Variants in TSNARE1 observed in about 807,000 individuals in gnomAD.
The protein encoded by TSNARE1 is t-SNARE domain containing 1.
TSNARE1 carries 49 observed loss-of-function variants against 62.0 expected under a neutral mutation model. The observed-to-expected ratio is 0.79, with a 90% confidence interval of 0.63 to 1.00. TSNARE1 has a LOEUF of 1.00. Among genes scored for constraint, TSNARE1 ranks in the 50% least tolerant of loss-of-function variants. TSNARE1 has a pLI of 0.00. For missense variants in TSNARE1, 755 were observed against 700.1 expected, an observed-to-expected ratio of 1.08 and a Z score of -0.88; for synonymous variants, 328 against 294.4, an observed-to-expected ratio of 1.11 and a Z score of -1.17.
intron 12 of TSNARE1, among the ~76,000 whole-genome samples, chr8:142,236,883 G>A (rs1395888871): frequency 6.6e-6 from 1 of 152,218 alleles, no homozygotes; most frequent in Admixed American, 6.5e-5. Flanking sequence ...ACAGGAAGCA[G>A]GCGCAGAGGA....
rs748402169 is a variant in TSNARE1 at position 142,300,658 on chromosome 8, A to G, written c.1132-14T>C. Reference sequence around the variant, plus strand: ...GGCCTGGGGACTCTGCTGATGACAGACAGATCTTGTTAGCACTGACCCCTC... The same window carrying G: ...GGCCTGGGGACTCTGCTGATGACAGGCAGATCTTGTTAGCACTGACCCCTC... On this transcript the variant is annotated splice_polypyrimidine_tract_variant and intron_variant, in intron 9 of 13. Coordinates refer to ENST00000524325, the MANE Select transcript of TSNARE1 (RefSeq NM_145003.5). 2.5e-6 allele frequency: 4 copies of G among 1,609,826 alleles called. No individual in the cohort carries two copies. Among genetic ancestry groups the G allele is most frequent in the Non-Finnish European group, 3.4e-6 (4 of 1,177,736 alleles).
At chr8:142,303,852 C>T (rs1826194684) in intron 9 of TSNARE1, among the ~76,000 whole-genome samples, 1 of 152,192 alleles carries the variant, frequency 6.6e-6, no homozygotes, top group African/African-American at 2.4e-5. Flanking sequence ...AGGCTGGAGA[C>T]AACAGGACCA....
chr8:142,347,669 T>C (rs1833552231), intron 2 of TSNARE1, among the ~76,000 whole-genome samples: 1 of 149,938 alleles, frequency 6.7e-6, no homozygotes, highest in Non-Finnish European at 1.5e-5. Context: ...CTGCATCCGC[T>C]CACCCAAGTC....
rs1817003639 is a variant in TSNARE1 at position 142,229,533 on chromosome 8, G to A, written c.1493C>T (p.Thr498Ile). The change falls in exon 13 of 14, where the codon ACT (threonine) becomes ATT (isoleucine). Residue 498 changes from threonine (T) to isoleucine (I), a missense_variant. By Grantham distance (89) the Thr-to-Ile change is moderately conservative. Transcript: ENST00000524325. ...GATGATGATGATGACAAGCAGGGCA[G>A]TGACTCCAGCTGATAGGAAGCAGCA... ...IKCCFLSAGV[T>I]ALLVIIIIIA... is the part of the protein sequence containing the mutation. 5 of 1,614,158 alleles carry A rather than the reference G, an allele frequency of 3.1e-6. No individual in the cohort carries two copies. Among genetic ancestry groups the A allele is most frequent in the Non-Finnish European group, 4.2e-6 (5 of 1,180,024 alleles).
In TSNARE1 at chr8:142,274,818, G is replaced by T; in HGVS notation, c.1409C>A (p.Ala470Glu). ...SLEAASSHAE[A>E]ARQLLAGASR... ...GGCTCCAGCCAGGAGCTGGCGGGCT[G>T]CCTCCGCATGCGAGGACGCAGCCTC... The change falls in exon 12 of 14, where the codon GCA (alanine) becomes GAA (glutamate). Residue 470 changes from alanine to glutamate, a missense_variant. Physicochemically the swap from Ala to Glu is moderately radical, Grantham distance 107. Transcript: ENST00000524325. The T allele has an allele frequency of 6.3e-7, 1 of 1,580,190 alleles. No individual in the cohort carries two copies. The highest frequency in any genetic ancestry group is 2.4e-5 in the East Asian group (1 of 41,934).
intron 11 of TSNARE1, among the ~76,000 whole-genome samples, chr8:142,283,674 T>G (rs370154511): frequency 1.2e-5 from 1 of 83,386 alleles, no homozygotes; most frequent in African/African-American, 5.4e-5. Context: ...TGAGCGGAGG[T>G]GGGACCAGTG....
At chr8:142,318,983 C>T (rs999299925) in intron 6 of TSNARE1, among the ~76,000 whole-genome samples, 1 of 151,336 alleles carries the variant, frequency 6.6e-6, no homozygotes, top group African/African-American at 2.4e-5. Flanking sequence ...GGGAGACGGG[C>T]AGACACCCAG....
chr8:142,313,469 GTC>G (rs1827977237), intron 9 of TSNARE1, among the ~76,000 whole-genome samples: 1 of 151,028 alleles, frequency 6.6e-6, no homozygotes, highest in Non-Finnish European at 1.5e-5. Context: ...GTGTCTGCAT[GTC>G]TGTGTTTATC....
chr8:142,276,694 G>A (rs1820558204), intron 11 of TSNARE1: 3 of 985,408 alleles, frequency 3.0e-6, no homozygotes, highest in Non-Finnish European at 3.6e-6. Flanking sequence ...GCCCAATCCT[G>A]CTCTACACCT....
chr8:142,222,694 AC>A (rs1816422637), intron 13 of TSNARE1, among the ~76,000 whole-genome samples: 4 of 116,310 alleles, frequency 3.4e-5, no homozygotes, highest in Admixed American at 8.6e-5. Flanking sequence ...CCACTCACTC[AC>A]TCATCCACTC....
At chr8:142,237,651 T>G (rs912445249) in intron 12 of TSNARE1, among the ~76,000 whole-genome samples, 1 of 152,200 alleles carries the variant, frequency 6.6e-6, no homozygotes, top group Non-Finnish European at 1.5e-5. Flanking sequence ...TGCACAGGCA[T>G]ACTCTCCTTC....
At chr8:142,331,686 T>A (rs1831061977) in intron 5 of TSNARE1, 68 bp downstream of exon 5, 1 of 1,473,894 alleles carries the variant, frequency 6.8e-7, no homozygotes, top group East Asian at 2.5e-5. Context: ...CACCCTCGCC[T>A]CCAATGTCGC....
chr8:142,291,123 G>A lies in TSNARE1; in HGVS notation c.1291-6638C>T, dbSNP rs561026312. Among the ~76,000 whole-genome samples, 100 of 152,210 alleles carry A rather than the reference G, an allele frequency of 6.6e-4. No homozygotes were observed. Among genetic ancestry groups the A allele is most frequent in the Admixed American group, 2.1e-3 (32 of 15,298 alleles). On this transcript the variant is annotated intron_variant, in intron 10 of 13. Coordinates refer to ENST00000524325, the MANE Select transcript of TSNARE1 (RefSeq NM_145003.5). This position sits in a 1 kb window ranked among gnomAD's most constrained non-coding sequence, Gnocchi z 4.8. Reference sequence around the variant, plus strand: ...TGCTCAGGACTGGTGTCCTCAGCTGGGGATTAAGTCACTGGCTCCTGGGGC... The same window carrying A: ...TGCTCAGGACTGGTGTCCTCAGCTGAGGATTAAGTCACTGGCTCCTGGGGC...
At chr8:142,220,756 C>A (rs1816172814) in intron 13 of TSNARE1, among the ~76,000 whole-genome samples, 1 of 152,250 alleles carries the variant, frequency 6.6e-6, no homozygotes, top group Admixed American at 6.5e-5. Flanking sequence ...CCCCAGCCGG[C>A]AGGCAGTGCA....
intron 9 of TSNARE1, among the ~76,000 whole-genome samples, chr8:142,310,966 A>G (rs1827482619): frequency 6.6e-6 from 1 of 152,028 alleles, no homozygotes; most frequent in East Asian, 1.9e-4. Flanking sequence ...TCTCGGCCTC[A>G]GCCTCCTGAG....
intron 9 of TSNARE1, among the ~76,000 whole-genome samples, chr8:142,305,542 C>T (rs1218663150): frequency 6.6e-6 from 1 of 152,120 alleles, no homozygotes; most frequent in East Asian, 1.9e-4. Context: ...ACCTCCACAG[C>T]GGGAGGATCG....
intron 12 of TSNARE1, chr8:142,273,820 C>T (rs1285954073): frequency 1.0e-6 from 1 of 985,386 alleles, no homozygotes; most frequent in Non-Finnish European, 1.2e-6. Flanking sequence ...TCCTCTTGCA[C>T]CCCTGAGGCA....
chr8:142,388,792 A>T (rs1043225894), intron 1 of TSNARE1, among the ~76,000 whole-genome samples: 3 of 152,122 alleles, frequency 2.0e-5, no homozygotes, highest in Admixed American at 6.5e-5. Flanking sequence ...TCCTGGTCTC[A>T]AACGCCTGAC....
intron 10 of TSNARE1, among the ~76,000 whole-genome samples, chr8:142,288,535 C>T (rs935187047): frequency 5.3e-5 from 8 of 152,240 alleles, no homozygotes; most frequent in Non-Finnish European, 8.8e-5. Context: ...CTCCAAGGCC[C>T]CGGGTCCTCC....
Sources: allele counts gnomAD v4.1 joint callset (sites outside exome capture counted in the v4.1 genomes callset), GRCh38; gene constraint gnomAD v4.1.1; non-coding constraint Gnocchi (gnomAD v3.1); transcripts MANE v1.5; gene names NCBI Gene and HGNC (gene_info 2026-07-23, HGNC 2026-07-21).